RNF17: variants seen among roughly 807,000 people sequenced by gnomAD.
RNF17 encodes the protein spermatogenesis associated 23.
In RNF17, 31 loss-of-function variants were observed where a neutral mutation model predicts 200.5. That is an observed-to-expected ratio of 0.15 (90% CI 0.12 to 0.21). The LOEUF (loss-of-function observed/expected upper bound fraction) is 0.21, where lower values mean the gene tolerates loss of function less well. Ranked by LOEUF, RNF17 falls within the 10% of genes least tolerant of loss-of-function variation. The pLI, the probability that RNF17 is intolerant of heterozygous loss-of-function variation, is 1.00. For synonymous variants in RNF17, 606 were observed against 637.8 expected, an observed-to-expected ratio of 0.95 and a Z score of 0.75; for missense variants, 1,628 against 1,905.1, an observed-to-expected ratio of 0.85 and a Z score of 2.71.
chr13:24,827,278 T>G (rs1270415881), intron 16 of RNF17, among the ~76,000 whole-genome samples: 1 of 151,840 alleles, frequency 6.6e-6, no homozygotes, highest in African/African-American at 2.4e-5. Flanking sequence ...TTTTTTCCAT[T>G]ATTAAGGTAA....
chr13:24,764,253 G>T lies in RNF17; in HGVS notation c.50G>T (p.Arg17Leu), dbSNP rs200719774. 1 of 1,609,892 alleles carries T rather than the reference G, an allele frequency of 6.2e-7. No homozygotes were observed. The change falls in exon 1 of 36, where the codon CGA becomes CTA. Residue 17 changes from arginine to leucine, a missense_variant. Arg to Leu is a moderately radical substitution (Grantham distance 102). This residue lies in a region of RNF17 where 502 missense variants were observed against 501.7 expected (regional missense o/e 1.00). Coordinates refer to ENST00000255324, the MANE Select transcript of RNF17 (RefSeq NM_031277.3). ...GGGCCTTCTAGGTCTTCCTACCAGC[G>T]AATGGGGAGGAAGAGTCAGCCCTGG... ...KTGPSRSSYQ[R>L]MGRKSQPWGA...
chr13:24,772,170 C>A (rs540073004), intron 2 of RNF17, among the ~76,000 whole-genome samples: 7 of 152,172 alleles, frequency 4.6e-5, no homozygotes, highest in Admixed American at 4.6e-4. Context: ...ATATTAAGTT[C>A]TCATAGAGAG....
intron 28 of RNF17, among the ~76,000 whole-genome samples, chr13:24,864,481 T>G (rs769734973): frequency 7.2e-5 from 11 of 152,324 alleles, no homozygotes; most frequent in East Asian, 3.9e-4. Context: ...TTAGACTGTT[T>G]CGAGTCCCAC....
intron 2 of RNF17, 104 bp from the exon 3 acceptor site, chr13:24,774,709 T>TA: frequency 1.7e-6 from 1 of 578,382 alleles, no homozygotes. Flanking sequence ...ATCTTTAAGG[T>TA]TATCATTAAC....
intron 30 of RNF17, among the ~76,000 whole-genome samples, chr13:24,866,730 G>C (rs1893663766): frequency 7.2e-6 from 1 of 138,500 alleles, no homozygotes; most frequent in African/African-American, 2.7e-5. Context: ...GCTGCTGTCT[G>C]ATCAGGTACA....
intron 25 of RNF17, among the ~76,000 whole-genome samples, chr13:24,856,359 G>T (rs1163448993): frequency 1.3e-5 from 2 of 148,182 alleles, no homozygotes; most frequent in African/African-American, 5.0e-5. Context: ...GGCAGAGGTT[G>T]CCGTGAGCCA....
chr13:24,815,080 AAT>A (rs1887217234), intron 15 of RNF17, among the ~76,000 whole-genome samples: 1 of 152,058 alleles, frequency 6.6e-6, no homozygotes, highest in African/African-American at 2.4e-5. Context: ...TGAACAGAGA[AAT>A]GTCATTGGGA....
chr13:24,853,189 T>TA (rs1214851681), intron 24 of RNF17, among the ~76,000 whole-genome samples: 13 of 152,094 alleles, frequency 8.5e-5, no homozygotes, highest in Admixed American at 3.9e-4. Flanking sequence ...GCTGGGATTA[T>TA]AGGCGTGAGC....
In RNF17 at chr13:24,831,766, A is replaced by G. The variant is rs1311609279; in HGVS notation, c.2362-92A>G. On this transcript the variant is annotated intron_variant, in intron 17 of 35. Transcript: ENST00000255324. ...TAATATGTATGAAATTCAAACATAAAGATTAGTTTTGTACACACTTAATAA... is the reference window on the plus strand; with the variant it reads ...TAATATGTATGAAATTCAAACATAAGGATTAGTTTTGTACACACTTAATAA... 4.6e-6 allele frequency: 5 copies of G among 1,088,738 alleles called. No individual in the cohort carries two copies. In the African/African-American group the frequency reaches 4.8e-5, roughly 11 times the overall value. 67.4% of individuals were successfully genotyped at this position (1,088,738 alleles called of 1,614,324 possible). A position where few individuals can be genotyped will look rare whatever the true frequency, so the allele number is the denominator to read the frequency against.
At chr13:24,805,091 C>T (rs540737747) in intron 15 of RNF17, among the ~76,000 whole-genome samples, 6 of 152,266 alleles carry the variant, frequency 3.9e-5, no homozygotes, top group African/African-American at 9.6e-5. Context: ...CAGAACTTGT[C>T]GTCTCAAGCA....
intron 5 of RNF17, among the ~76,000 whole-genome samples, chr13:24,780,502 A>G (rs1882200136): frequency 6.6e-6 from 1 of 152,180 alleles, no homozygotes; most frequent in African/African-American, 2.4e-5. Context: ...CTCAGTATTC[A>G]TGTCCTTCTC....
chr13:24,779,220 A>AG (rs1224333900), intron 4 of RNF17, among the ~76,000 whole-genome samples: 1 of 152,152 alleles, frequency 6.6e-6, no homozygotes, highest in Non-Finnish European at 1.5e-5. Flanking sequence ...AGAAAAAAAA[A>AG]TCATTAATGG....
At position 24,784,994 on chromosome 13, in the gene RNF17, A is replaced by C. The variant is rs545592271; in HGVS notation, c.612-2994A>C. On this transcript the variant is annotated intron_variant, in intron 6 of 35. Transcript: ENST00000255324. ...AGTGCTGGGATTACAGGTGTGAGCC[A>C]TCACGCCTGGCCTGATTCTCTTTTC... Among the ~76,000 whole-genome samples the C allele has an allele frequency of 2.6e-5, 4 of 152,326 alleles. 1 individual carries two copies. In the South Asian group the frequency reaches 8.3e-4, roughly 32 times the overall value.
intron 20 of RNF17, among the ~76,000 whole-genome samples, chr13:24,844,211 G>A (rs1890991792): frequency 6.6e-6 from 1 of 152,142 alleles, no homozygotes; most frequent in South Asian, 2.1e-4. Context: ...AGTATTATAA[G>A]TGTTAGGGAT....
the RNF17 span, among the ~76,000 whole-genome samples, chr13:24,758,815 G>A: frequency 2.6e-5 from 4 of 151,990 alleles, no homozygotes; most frequent in South Asian, 2.1e-4. Flanking sequence ...GGTGGCTCAC[G>A]CTTGTAATCC....
At chr13:24,841,144 C>T (rs944479211) in intron 18 of RNF17, among the ~76,000 whole-genome samples, 1 of 152,168 alleles carries the variant, frequency 6.6e-6, no homozygotes, top group South Asian at 2.1e-4. Context: ...TAAATAGACA[C>T]ATGAGACACA....
At chr13:24,885,660 A>C in the RNF17 span, 1 of 1,612,076 alleles carries the variant, frequency 6.2e-7, no homozygotes, top group Non-Finnish European at 8.5e-7. Context: ...TGGATCTTCG[A>C]GGTGGATTGC....
chr13:24,847,233 C>T (rs977968469), intron 22 of RNF17, among the ~76,000 whole-genome samples: 1 of 151,978 alleles, frequency 6.6e-6, no homozygotes, highest in African/African-American at 2.4e-5. Context: ...CTTCATATTA[C>T]AATTGAAGAA....
At chr13:24,765,294 C>T (rs892401760) in intron 1 of RNF17, among the ~76,000 whole-genome samples, 3 of 152,294 alleles carry the variant, frequency 2.0e-5, no homozygotes, top group South Asian at 4.1e-4. Flanking sequence ...GGATTACAGG[C>T]GTGAGCCACC....
Sources: gnomAD v4.1 joint callset for allele counts (sites outside exome capture counted in the v4.1 genomes callset) on GRCh38, gnomAD v4.1.1 for gene constraint, gnomAD v4.1.1 regional missense constraint, MANE v1.5 for transcripts, NCBI Gene and HGNC (gene_info 2026-07-23, HGNC 2026-07-21) for gene names.